Variants in TNFRSF11A observed in about 807,000 individuals in gnomAD.
TNFRSF11A encodes the protein TNF receptor superfamily member 11a, also known as tumor necrosis factor receptor superfamily member 11A.
TNFRSF11A carries 32 observed loss-of-function variants against 55.7 expected under a neutral mutation model. The observed-to-expected ratio is 0.57, with a 90% confidence interval of 0.43 to 0.77. The LOEUF (loss-of-function observed/expected upper bound fraction) is 0.77, where lower values mean the gene tolerates loss of function less well. Ranked by LOEUF, TNFRSF11A falls within the 30% of genes least tolerant of loss-of-function variation. The pLI is 0.00. For synonymous variants in TNFRSF11A, 311 were observed against 331.0 expected, an observed-to-expected ratio of 0.94 and a Z score of 0.65; for missense variants, 753 against 809.8, an observed-to-expected ratio of 0.93 and a Z score of 0.85.
chr18:62,356,560 C>T lies in TNFRSF11A; in HGVS notation c.428-1688C>T, dbSNP rs542236068. 1.3e-3 allele frequency among the ~76,000 whole-genome samples: 194 copies of T among 152,272 alleles called. 1 individual carries two copies. The highest frequency in any genetic ancestry group is 4.4e-3 in the African/African-American group (181 of 41,560). On this transcript the variant is annotated intron_variant, in intron 4 of 9. Coordinates refer to ENST00000586569, the MANE Select transcript of TNFRSF11A (RefSeq NM_003839.4). ...AAATAGGTTGAGGATAGAGGGGAAA[C>T]GGTAGATGAATGGAAATTTCACTCC... is the stretch of plus-strand genomic sequence containing the variant.
At chr18:62,350,772 GT>G (rs1295365607) in intron 3 of TNFRSF11A, among the ~76,000 whole-genome samples, 1 of 152,100 alleles carries the variant, frequency 6.6e-6, no homozygotes, top group East Asian at 1.9e-4. Flanking sequence ...TGCCTGGAAT[GT>G]TTTTTAAAGT....
chr18:62,380,356 A>G (rs949220728), intron 9 of TNFRSF11A, among the ~76,000 whole-genome samples: 1 of 152,202 alleles, frequency 6.6e-6, no homozygotes, highest in East Asian at 1.9e-4. Context: ...TTTGTTAAAG[A>G]AACACTTGAA....
At chr18:62,329,249 G>A (rs934261391) in intron 1 of TNFRSF11A, among the ~76,000 whole-genome samples, 5 of 152,036 alleles carry the variant, frequency 3.3e-5, no homozygotes, top group South Asian at 2.1e-4. Flanking sequence ...CTGATGGTAC[G>A]CAACTGTCCA....
intron 6 of TNFRSF11A, 51 bp downstream of exon 6, chr18:62,360,100 G>T (rs1909564342): frequency 6.6e-7 from 1 of 1,526,476 alleles, no homozygotes; most frequent in African/African-American, 1.4e-5. Flanking sequence ...AGGGTGGTCA[G>T]CTGGTTTAGA....
rs1399657503 is a variant in TNFRSF11A at position 62,388,171 on chromosome 18, G to A, written c.*3137G>A. On this transcript the variant is annotated 3_prime_UTR_variant, in exon 10 of 10. Transcript: ENST00000586569. Reference sequence around the variant, plus strand: ...CAGCTTGGGTGGTTCTTCAGGCCTGGTCCCTCCTGGCCTGGTTTGCTTACC... The same window carrying A: ...CAGCTTGGGTGGTTCTTCAGGCCTGATCCCTCCTGGCCTGGTTTGCTTACC... 2 of 152,196 alleles carry A rather than the reference G, an allele frequency of 1.3e-5. No individual in the cohort carries two copies. Among genetic ancestry groups the A allele is most frequent in the Non-Finnish European group, 2.9e-5 (2 of 68,062 alleles). 9.4% of individuals were successfully genotyped at this position (152,196 alleles called of 1,614,324 possible).
chr18:62,342,424 A>AAAAAAAAAC (rs1491017571), intron 1 of TNFRSF11A, among the ~76,000 whole-genome samples: 1 of 146,786 alleles, frequency 6.8e-6, no homozygotes, highest in Admixed American at 6.9e-5. Flanking sequence ...AAAAAAAAAA[A>AAAAAAAAAC]ATCCTATATT....
At chr18:62,361,924 T>C (rs1355723137) in intron 7 of TNFRSF11A, 131 bp downstream of exon 7, 1 of 858,950 alleles carries the variant, frequency 1.2e-6, no homozygotes, top group African/African-American at 1.7e-5. Flanking sequence ...AAACACGTTT[T>C]ATCATTCTCT....
At chr18:62,327,201 TAATCTTCTCTGGGTGAG>T (rs200721450) in intron 1 of TNFRSF11A, among the ~76,000 whole-genome samples, 1,979 of 152,274 alleles carry the variant, frequency 0.013, 45 homozygotes, top group African/African-American at 0.045. Context: ...TAATCGGAGT[TAATCTTCTCTGGGTGAG>T]AATCTTCTCT....
intron 1 of TNFRSF11A, among the ~76,000 whole-genome samples, chr18:62,344,639 G>A (rs181707316): frequency 6.6e-6 from 1 of 152,352 alleles, no homozygotes; most frequent in East Asian, 1.9e-4. Context: ...TCTGACTGAA[G>A]TTCTAGGCAG....
Position 62,369,060 on chromosome 18 carries a change from G to C in TNFRSF11A, c.1143G>C (p.Gly381=), listed in dbSNP as rs1910314158. 1 of 1,614,062 alleles carries C rather than the reference G, an allele frequency of 6.2e-7. No homozygotes were observed. Among genetic ancestry groups the C allele is most frequent in the African/African-American group, 1.3e-5 (1 of 74,952 alleles). Reference sequence around the variant, plus strand: ...CTTTCTCTGAACCCCTGGAGGTGGGGGAGAATGACAGTTTAAGCCAGTGCT... The same window carrying C: ...CTTTCTCTGAACCCCTGGAGGTGGGCGAGAATGACAGTTTAAGCCAGTGCT... The part of the protein sequence containing the change: ...TPPFSEPLEV[G]ENDSLSQCFT... Residue 381 remains glycine (G), a synonymous_variant, in exon 9 of 10, where the codon GGG becomes GGC. Coordinates refer to ENST00000586569, the MANE Select transcript of TNFRSF11A (RefSeq NM_003839.4).
Position 62,354,471 on chromosome 18 carries a change from C to A in TNFRSF11A, c.364C>A (p.Gln122Lys), listed in dbSNP as rs2145309179. The A allele has an allele frequency of 1.2e-6, 2 of 1,601,574 alleles. No homozygotes were observed. Among genetic ancestry groups the A allele is most frequent in the East Asian group, 2.2e-5 (1 of 44,856 alleles). ...GTGCACGGCTGGGTACCACTGGAGC[C>A]AGGACTGCGAGTGCTGCCGCCGCAA... The part of the protein sequence containing the change: ...CACTAGYHWS[Q>K]DCECCRRNTE... Residue 122 changes from glutamine to lysine, a missense_variant, in exon 4 of 10, where the codon CAG (glutamine) becomes AAG (lysine). Physicochemically the swap from Gln to Lys is moderately conservative, Grantham distance 53. Around this residue, in one of 3 missense-constraint regions of TNFRSF11A, gnomAD observed 30 missense variants for 58.0 expected, o/e 0.52. Coordinates refer to ENST00000586569, the MANE Select transcript of TNFRSF11A (RefSeq NM_003839.4).
At chr18:62,380,462 A>G (rs1911195097) in intron 9 of TNFRSF11A, among the ~76,000 whole-genome samples, 2 of 131,400 alleles carry the variant, frequency 1.5e-5, no homozygotes, top group African/African-American at 3.0e-5. Flanking sequence ...TTTTTGAGAG[A>G]GTCTCACTCT....
intron 2 of TNFRSF11A, among the ~76,000 whole-genome samples, chr18:62,349,302 C>A (rs896802955): frequency 2.0e-5 from 3 of 152,032 alleles, no homozygotes; most frequent in African/African-American, 7.3e-5. Flanking sequence ...CTGCCTCAGC[C>A]TCCCAAGTAG....
intron 1 of TNFRSF11A, among the ~76,000 whole-genome samples, chr18:62,327,894 C>G (rs2046097936): frequency 6.6e-6 from 1 of 152,194 alleles, no homozygotes; most frequent in Non-Finnish European, 1.5e-5. Flanking sequence ...AAACTATTTG[C>G]CTACAGATAA....
In TNFRSF11A at chr18:62,329,286, C is replaced by A. The variant is rs576099832; in HGVS notation, c.75+3859C>A. ...GTGGTTCACTCCCTAGGGCATCTGC[C>A]CCCTGGCCAGGTGGCCCATGGCCTG... is the stretch of plus-strand genomic sequence containing the variant. On this transcript the variant is annotated intron_variant, in intron 1 of 9. Coordinates refer to ENST00000586569, the MANE Select transcript of TNFRSF11A (RefSeq NM_003839.4). 2.6e-5 allele frequency among the ~76,000 whole-genome samples: 4 copies of A among 152,264 alleles called. No homozygotes were observed. The South Asian group carries it at 8.3e-4, about 32-fold the overall frequency.
intron 9 of TNFRSF11A, among the ~76,000 whole-genome samples, chr18:62,384,266 C>T (rs62100863): frequency 0.021 from 3,121 of 150,442 alleles, 53 homozygotes; most frequent in Non-Finnish European, 0.03. Context: ...TCCTCCTCTC[C>T]TCCTCCTCCT....
At chr18:62,356,798 G>A (rs572950457) in intron 4 of TNFRSF11A, among the ~76,000 whole-genome samples, 56 of 152,276 alleles carry the variant, frequency 3.7e-4, no homozygotes, top group Non-Finnish European at 6.6e-4. Context: ...TGGGTAAAAA[G>A]TATATCTTTT....
chr18:62,352,077 G>A (rs556845482), intron 3 of TNFRSF11A, among the ~76,000 whole-genome samples: 7 of 152,328 alleles, frequency 4.6e-5, no homozygotes, highest in African/African-American at 7.2e-5. Context: ...ATTACAGCAT[G>A]AGCCATGGTC....
chr18:62,373,372 T>C (rs1568493021), intron 9 of TNFRSF11A, among the ~76,000 whole-genome samples: 1 of 151,980 alleles, frequency 6.6e-6, no homozygotes, highest in East Asian at 1.9e-4. Context: ...GGCAGGAGAA[T>C]TGCTTGAGTC....
Sources: allele counts gnomAD v4.1 joint callset (sites outside exome capture counted in the v4.1 genomes callset), GRCh38; gene constraint gnomAD v4.1.1; regional missense constraint gnomAD v4.1.1; transcripts MANE v1.5; gene names NCBI Gene and HGNC (gene_info 2026-07-23, HGNC 2026-07-21).